Variants in IFT81 observed in about 807,000 individuals in gnomAD.
IFT81 encodes the protein intraflagellar transport protein 81 homolog.
IFT81 carries 72 observed loss-of-function variants against 102.6 expected under a neutral mutation model. The ratio of observed to expected loss-of-function variants is 0.70; its 90% confidence interval spans 0.58 to 0.85. The LOEUF (loss-of-function observed/expected upper bound fraction) is 0.85. Ranked by LOEUF, IFT81 falls within the 40% of genes least tolerant of loss-of-function variation. The pLI, the probability that IFT81 is intolerant of heterozygous loss-of-function variation, is 0.00. For synonymous variants in IFT81, 237 were observed against 242.7 expected, an observed-to-expected ratio of 0.98 and a Z score of 0.22; for missense variants, 723 against 787.3, an observed-to-expected ratio of 0.92 and a Z score of 0.98.
intron 5 of IFT81, among the ~76,000 whole-genome samples, chr12:110,132,841 C>G (rs940721829): frequency 6.6e-6 from 1 of 152,068 alleles, no homozygotes; most frequent in Non-Finnish European, 1.5e-5. Context: ...TAGTTACTTA[C>G]AGTACGGAAG....
chr12:110,156,500 CTT>C (rs897059814), intron 10 of IFT81, among the ~76,000 whole-genome samples: 7 of 144,960 alleles, frequency 4.8e-5, no homozygotes, highest in African/African-American at 1.0e-4. Flanking sequence ...TTATTCCTTA[CTT>C]TTTTTTTTTT....
At chr12:110,148,423 T>C (rs1165412860) in intron 10 of IFT81, among the ~76,000 whole-genome samples, 1 of 152,128 alleles carries the variant, frequency 6.6e-6, no homozygotes, top group Non-Finnish European at 1.5e-5. Flanking sequence ...ATTAATTTTA[T>C]TATAAATTAT....
intron 7 of IFT81, among the ~76,000 whole-genome samples, 184 bp from the exon 8 acceptor site, chr12:110,136,592 A>G (rs1231086818): frequency 6.6e-6 from 1 of 152,224 alleles, no homozygotes; most frequent in Non-Finnish European, 1.5e-5. Flanking sequence ...TAAAAAATGT[A>G]TGTGAAAAGG....
rs768716139 is a variant in IFT81, at chr12:110,136,877, A to G, written c.781+17A>G. On this transcript the variant is annotated intron_variant, in intron 8 of 18. Transcript: ENST00000242591. ...AGCCTGAAAGTAAGTGGAAATTATT[A>G]TATGGTATAGATGATTAGAAAATAT... is the stretch of plus-strand genomic sequence containing the variant. 2.0e-6 allele frequency: 3 copies of G among 1,477,442 alleles called. No homozygotes were observed. The highest frequency in any genetic ancestry group is 1.2e-5 in the South Asian group (1 of 86,790). The allele number at this position is 1,477,442 out of a possible 1,614,324, so 91.5% of individuals were successfully genotyped here.
chr12:110,149,882 G>C (rs1476441844), intron 10 of IFT81, among the ~76,000 whole-genome samples: 3 of 152,124 alleles, frequency 2.0e-5, no homozygotes, highest in African/African-American at 7.2e-5. Flanking sequence ...TATAGGCACA[G>C]GATGGGGGCA....
At chr12:110,168,676 A>T (rs1418031967) in intron 11 of IFT81, 2 of 152,580 alleles carry the variant, frequency 1.3e-5, no homozygotes, top group Non-Finnish European at 2.9e-5. Flanking sequence ...TCAATAATTG[A>T]TTATGTATTA....
intron 18 of IFT81, among the ~76,000 whole-genome samples, chr12:110,215,609 G>A (rs1164945117): frequency 6.7e-6 from 1 of 149,910 alleles, no homozygotes; most frequent in South Asian, 2.1e-4. Flanking sequence ...CCACAGGCAT[G>A]TGCCACCATA....
intron 10 of IFT81, among the ~76,000 whole-genome samples, chr12:110,159,504 A>G (rs528613526): frequency 6.6e-6 from 1 of 152,272 alleles, no homozygotes; most frequent in South Asian, 2.1e-4. Flanking sequence ...TTCCCCGGAC[A>G]TGTGTCATCA....
chr12:110,196,485 G>C (rs1427124652), intron 14 of IFT81, among the ~76,000 whole-genome samples: 1 of 152,170 alleles, frequency 6.6e-6, no homozygotes, highest in Non-Finnish European at 1.5e-5. Flanking sequence ...ATGCCACTGT[G>C]CTCCATCCTG....
intron 10 of IFT81, among the ~76,000 whole-genome samples, chr12:110,158,844 TC>T: frequency 6.6e-6 from 1 of 152,236 alleles, no homozygotes; most frequent in East Asian, 1.9e-4. Flanking sequence ...CGCCTCAGCC[TC>T]CCAAAGTGCT....
At chr12:110,126,095 G>A (rs1458424108) in intron 1 of IFT81, among the ~76,000 whole-genome samples, 1 of 152,078 alleles carries the variant, frequency 6.6e-6, no homozygotes, top group African/African-American at 2.4e-5. Context: ...TGGCTAACAC[G>A]GTGAAACCCC....
chr12:110,191,168 C>CA lies in IFT81; in HGVS notation c.1467+120_1467+121insA, dbSNP rs1897780888. On this transcript the variant is annotated intron_variant, in intron 13 of 18. Transcript: ENST00000242591. ...ATTTCTGCACATTACATTCTTTCAT[C>CA]TTTTTTTTTTTTTTCTTTTTGAGGC... 1.8e-5 allele frequency: 11 copies of CA among 623,702 alleles called. No homozygotes were observed. In the South Asian group the frequency reaches 2.3e-4, roughly 13 times the overall value. 38.6% of individuals were successfully genotyped at this position (623,702 alleles called of 1,614,324 possible). A position where few individuals can be genotyped will look rare whatever the true frequency, so the allele number is the denominator to read the frequency against.
intron 10 of IFT81, among the ~76,000 whole-genome samples, chr12:110,156,743 T>A (rs1302316388): frequency 6.6e-6 from 1 of 152,170 alleles, no homozygotes; most frequent in African/African-American, 2.4e-5. Context: ...GTGATCTGCC[T>A]GCCCCAGCCT....
chr12:110,181,263 G>A (rs771951532), intron 12 of IFT81, among the ~76,000 whole-genome samples: 1 of 152,176 alleles, frequency 6.6e-6, no homozygotes, highest in African/African-American at 2.4e-5. Flanking sequence ...GGGAACTTAA[G>A]ACTGAAAATT....
chr12:110,178,280 AG>A (rs989755184), intron 11 of IFT81, among the ~76,000 whole-genome samples: 1 of 148,496 alleles, frequency 6.7e-6, no homozygotes, highest in African/African-American at 2.5e-5. Context: ...CTGGCATGGT[AG>A]CAGGCACCTG....
intron 14 of IFT81, among the ~76,000 whole-genome samples, chr12:110,197,061 T>C (rs1441344195): frequency 6.6e-6 from 1 of 151,910 alleles, no homozygotes; most frequent in African/African-American, 2.4e-5. Flanking sequence ...TAGCTGAGCA[T>C]GGGAGCACAC....
chr12:110,130,646 C>T (rs1894108240), intron 4 of IFT81, among the ~76,000 whole-genome samples: 1 of 152,024 alleles, frequency 6.6e-6, no homozygotes, highest in Admixed American at 6.6e-5. Flanking sequence ...GGATTACAGG[C>T]GTGAGCCACG....
chr12:110,157,031 A>G (rs967547850), intron 10 of IFT81, among the ~76,000 whole-genome samples: 1 of 144,504 alleles, frequency 6.9e-6, no homozygotes, highest in Non-Finnish European at 1.5e-5. Context: ...TTTTTTTTTC[A>G]GAGCAGGAGT....
chr12:110,210,910 A>G (rs1251440222), intron 18 of IFT81, among the ~76,000 whole-genome samples: 2 of 150,582 alleles, frequency 1.3e-5, no homozygotes, highest in African/African-American at 4.9e-5. Flanking sequence ...GCTGGAGTGC[A>G]GTGGCACGAT....
Sources: allele counts gnomAD v4.1 joint callset (sites outside exome capture counted in the v4.1 genomes callset), GRCh38; gene constraint gnomAD v4.1.1; transcripts MANE v1.5; gene names NCBI Gene and HGNC (gene_info 2026-07-23, HGNC 2026-07-21).